The following PRICKLE2 variants were observed in gnomAD, a reference collection of about 807,000 sequenced individuals.
PRICKLE2 encodes prickle planar cell polarity protein 2, also known as prickle-like protein 2.
In PRICKLE2, 21 loss-of-function variants were observed where a neutral mutation model predicts 81.4. The ratio of observed to expected loss-of-function variants is 0.26; its 90% confidence interval spans 0.18 to 0.37. PRICKLE2 has a LOEUF of 0.37. PRICKLE2 is among the 10% of genes least tolerant of loss of function. The probability of loss-of-function intolerance (pLI) is 1.00; values close to 1 mark genes in which losing one functional copy is unlikely to be tolerated. For missense variants in PRICKLE2, 940 were observed against 1,109.0 expected, an observed-to-expected ratio of 0.85 and a Z score of 2.16; for synonymous variants, 456 against 421.5, an observed-to-expected ratio of 1.08 and a Z score of -1.00.
Position 64,115,133 on chromosome 3 carries a change from T to C in PRICKLE2, c.1661-15208A>G, listed in dbSNP as rs545027071. Among the ~76,000 whole-genome samples, 360 of 152,262 alleles carry C rather than the reference T, an allele frequency of 2.4e-3. 3 individuals are homozygous for C. The highest frequency in any genetic ancestry group is 4.0e-3 in the Non-Finnish European group (271 of 68,008). ...TAAGCAAAGGAGAAATAAGATCCTT[T>C]TCAGACAAGCAAATGCTGAGGGAAT... is the stretch of plus-strand genomic sequence containing the variant. On this transcript the variant is annotated intron_variant, in intron 7 of 7. Transcript: ENST00000638394.
At chr3:64,259,239 G>A (rs542275025) in intron 2 of PRICKLE2, among the ~76,000 whole-genome samples, 1 of 152,304 alleles carries the variant, frequency 6.6e-6, no homozygotes, top group South Asian at 2.1e-4. Context: ...CAACACAGCA[G>A]TAGTAAAAAT....
chr3:64,151,063 C>G (rs2077538911), intron 6 of PRICKLE2, among the ~76,000 whole-genome samples: 2 of 152,214 alleles, frequency 1.3e-5, no homozygotes, highest in Non-Finnish European at 2.9e-5. Flanking sequence ...GGACTGTTTA[C>G]TCTGCTGTGC....
Position 64,095,150 on chromosome 3 carries a change from T to C in PRICKLE2, c.*3901A>G, listed in dbSNP as rs977477928. The C allele has an allele frequency of 1.3e-5, 2 of 152,302 alleles. No individual in the cohort carries two copies. Among genetic ancestry groups the C allele is most frequent in the South Asian group, 2.1e-4 (1 of 4,830 alleles). The allele number at this position is 152,302 out of a possible 1,614,324, so 9.4% of individuals were successfully genotyped here. A position where few individuals can be genotyped will look rare whatever the true frequency, so the allele number is the denominator to read the frequency against. On this transcript the variant is annotated 3_prime_UTR_variant, in exon 8 of 8. Coordinates refer to ENST00000638394, the MANE Select transcript of PRICKLE2 (RefSeq NM_198859.4). ...TACCTCACCTCTGCAAAATGAAGAC[T>C]GCCTATAGTAATTGGCAGAGAACAT...
At chr3:64,240,913 G>A (rs564961637) in intron 2 of PRICKLE2, among the ~76,000 whole-genome samples, 1 of 152,278 alleles carries the variant, frequency 6.6e-6, no homozygotes, top group South Asian at 2.1e-4. Flanking sequence ...GGTGAGCAAT[G>A]GCAGAGGCTA....
intron 1 of PRICKLE2, among the ~76,000 whole-genome samples, chr3:64,218,898 A>G (rs182298692): frequency 5.3e-5 from 8 of 152,226 alleles, no homozygotes; most frequent in African/African-American, 1.7e-4. Flanking sequence ...TGCACATTAA[A>G]CTTGAGAAGC....
intron 6 of PRICKLE2, among the ~76,000 whole-genome samples, chr3:64,151,436 G>A (rs1325263159): frequency 3.9e-5 from 6 of 152,148 alleles, no homozygotes; most frequent in East Asian, 3.9e-4. Flanking sequence ...GAAGAAAACC[G>A]AGGGGCCATC....
intron 7 of PRICKLE2, chr3:64,101,973 G>C (rs1481561997): frequency 6.6e-6 from 1 of 152,176 alleles, no homozygotes; most frequent in Admixed American, 6.5e-5. Flanking sequence ...CACCCTGCAT[G>C]CCTCCAGTTG....
rs536521933 is a variant in PRICKLE2 at position 64,222,235 on chromosome 3, C to A, written c.-41+2675G>T. Among the ~76,000 whole-genome samples, 65 of 152,268 alleles carry A rather than the reference C, an allele frequency of 4.3e-4. 1 individual carries two copies. The highest frequency in any genetic ancestry group is 1.5e-3 in the African/African-American group (63 of 41,546). ...GGCAACTCTCCTGAGATCATACCTC[C>A]CATCAGGAAGTAAGGGAGGTGGGCT... On this transcript the variant is annotated intron_variant, in intron 1 of 7. Transcript: ENST00000638394.
At chr3:64,131,622 T>C (rs2077197896) in intron 7 of PRICKLE2, among the ~76,000 whole-genome samples, 1 of 152,230 alleles carries the variant, frequency 6.6e-6, no homozygotes, top group African/African-American at 2.4e-5. Flanking sequence ...TCAAATGTAC[T>C]GTGTATATGA....
chr3:64,200,749 TG>T (rs1212000195), intron 1 of PRICKLE2: 2 of 152,174 alleles, frequency 1.3e-5, no homozygotes, highest in African/African-American at 4.8e-5. Context: ...CCTGAGTAGC[TG>T]GGACTACAGG....
At chr3:64,264,769 G>A (rs2107192917) in intron 2 of PRICKLE2, among the ~76,000 whole-genome samples, 1 of 152,304 alleles carries the variant, frequency 6.6e-6, no homozygotes, top group South Asian at 2.1e-4. Flanking sequence ...TAAAGAAAAA[G>A]TAGTAAGAAG....
intron 7 of PRICKLE2, among the ~76,000 whole-genome samples, chr3:64,111,680 A>G (rs915274586): frequency 2.6e-5 from 4 of 152,252 alleles, no homozygotes; most frequent in African/African-American, 9.6e-5. Flanking sequence ...CATGTACAGT[A>G]TATCCCATTT....
chr3:64,244,157 G>A (rs572210763), intron 2 of PRICKLE2, among the ~76,000 whole-genome samples: 1 of 152,162 alleles, frequency 6.6e-6, no homozygotes, highest in African/African-American at 2.4e-5. Context: ...CATTTGGGAA[G>A]TTACCGTATT....
chr3:64,143,702 G>A (rs554257490), intron 7 of PRICKLE2, among the ~76,000 whole-genome samples: 2 of 152,324 alleles, frequency 1.3e-5, no homozygotes, highest in South Asian at 4.1e-4. Context: ...TGATGCAAGG[G>A]GTTAGGGGGA....
At chr3:64,192,090 T>C (rs1277878469) in intron 2 of PRICKLE2, among the ~76,000 whole-genome samples, 1 of 152,202 alleles carries the variant, frequency 6.6e-6, no homozygotes, top group African/African-American at 2.4e-5. Flanking sequence ...AGAATACAAA[T>C]CTTTAGGAGC....
chr3:64,144,907 T>G (rs1400495065), intron 7 of PRICKLE2, among the ~76,000 whole-genome samples: 2 of 152,264 alleles, frequency 1.3e-5, no homozygotes, highest in South Asian at 2.1e-4. Context: ...CCAGTTTCAG[T>G]ACTAATCTCG....
chr3:64,185,058 T>A (rs1444415204), intron 2 of PRICKLE2, among the ~76,000 whole-genome samples: 1 of 152,220 alleles, frequency 6.6e-6, no homozygotes, highest in East Asian at 1.9e-4. Flanking sequence ...AAGGAGACTA[T>A]AATACAAGCC....
chr3:64,266,115 T>C (rs1376755009), intron 2 of PRICKLE2, among the ~76,000 whole-genome samples: 1 of 152,082 alleles, frequency 6.6e-6, no homozygotes, highest in Non-Finnish European at 1.5e-5. Context: ...GTGTACCATC[T>C]GAGGCTGATT....
At chr3:64,257,035 C>T (rs539416541) in intron 2 of PRICKLE2, among the ~76,000 whole-genome samples, 1 of 152,236 alleles carries the variant, frequency 6.6e-6, no homozygotes, top group South Asian at 2.1e-4. Context: ...CAACCTGGTG[C>T]CAATTAATGG....
Sources: gnomAD v4.1 joint callset for allele counts (sites outside exome capture counted in the v4.1 genomes callset) on GRCh38, gnomAD v4.1.1 for gene constraint, MANE v1.5 for transcripts, NCBI Gene and HGNC (gene_info 2026-07-23, HGNC 2026-07-21) for gene names.